The following CDKL3 variants were observed in gnomAD, a reference collection of about 807,000 sequenced individuals.
CDKL3 encodes the protein cyclin-dependent kinase-like 3.
CDKL3 carries 65 observed loss-of-function variants against 69.3 expected under a neutral mutation model. The ratio of observed to expected loss-of-function variants is 0.94; its 90% CI spans 0.77 to 1.15. The LOEUF (loss-of-function observed/expected upper bound fraction) is 1.15, where lower values mean the gene tolerates loss of function less well. Among genes scored for constraint, CDKL3 ranks in the 50% most tolerant of loss-of-function variants. The probability of loss-of-function intolerance (pLI) is 0.00; values close to 1 mark genes in which losing one functional copy is unlikely to be tolerated. For synonymous variants in CDKL3, 202 were observed against 221.6 expected, an observed-to-expected ratio of 0.91 and a Z score of 0.79; for missense variants, 652 against 689.2, an observed-to-expected ratio of 0.95 and a Z score of 0.61.
intron 4 of CDKL3, among the ~76,000 whole-genome samples, chr5:134,336,651 C>T (rs775610287): frequency 2.7e-4 from 41 of 152,296 alleles, no homozygotes; most frequent in Non-Finnish European, 3.7e-4. Flanking sequence ...GTATCACCAG[C>T]GGAGGCTGCA....
At chr5:134,346,371 T>A (rs1256104775) in intron 4 of CDKL3, among the ~76,000 whole-genome samples, 2 of 152,216 alleles carry the variant, frequency 1.3e-5, no homozygotes, top group Non-Finnish European at 2.9e-5. Context: ...GTCTTTGGGT[T>A]TTCATTTATG....
intron 4 of CDKL3, among the ~76,000 whole-genome samples, chr5:134,340,060 G>A (rs1750085347): frequency 6.6e-6 from 1 of 151,976 alleles, no homozygotes; most frequent in Admixed American, 6.6e-5. Context: ...AGGCTGAGGT[G>A]GGAGGATCAC....
intron 3 of CDKL3, among the ~76,000 whole-genome samples, chr5:134,356,363 C>T (rs1202797108): frequency 6.6e-6 from 1 of 152,242 alleles, no homozygotes; most frequent in African/African-American, 2.4e-5. Flanking sequence ...CACCACTCAT[C>T]TACTGTGTGG....
chr5:134,292,412 C>T (rs1185171079), intron 8 of CDKL3, among the ~76,000 whole-genome samples: 1 of 152,078 alleles, frequency 6.6e-6, no homozygotes, highest in Non-Finnish European at 1.5e-5. Context: ...GAAATACTTT[C>T]ACTGATGATA....
chr5:134,362,960 C>G (rs1756417911), intron 2 of CDKL3, among the ~76,000 whole-genome samples: 1 of 151,986 alleles, frequency 6.6e-6, no homozygotes, highest in Admixed American at 6.6e-5. Context: ...AACAAAAAGC[C>G]AATGAGAATA....
chr5:134,321,005 C>CTTTTTT (rs1047803739), intron 5 of CDKL3, among the ~76,000 whole-genome samples: 5 of 123,574 alleles, frequency 4.0e-5, no homozygotes, highest in African/African-American at 1.0e-4. Context: ...CAAACATATT[C>CTTTTTT]TTTTTTTTTT....
At chr5:134,350,185 C>T in intron 4 of CDKL3, 64 bp downstream of exon 4, 1 of 1,307,960 alleles carries the variant, frequency 7.6e-7, no homozygotes, top group Non-Finnish European at 1.0e-6. Context: ...AACACGCCAT[C>T]TCAAAAAATA....
intron 3 of CDKL3, among the ~76,000 whole-genome samples, chr5:134,356,494 ACT>A (rs1754646582): frequency 6.6e-6 from 1 of 151,480 alleles, no homozygotes; most frequent in African/African-American, 2.4e-5. Flanking sequence ...CTATTTAAAA[ACT>A]CTCATTGGTG....
intron 12 of CDKL3, chr5:134,302,037 C>G: frequency 4.7e-6 from 2 of 424,744 alleles, no homozygotes; most frequent in Non-Finnish European, 9.4e-6. Context: ...AAAAGACTGT[C>G]TTTATAGAGC....
intron 4 of CDKL3, among the ~76,000 whole-genome samples, chr5:134,344,540 C>A (rs1003445950): frequency 3.3e-5 from 5 of 152,078 alleles, no homozygotes; most frequent in African/African-American, 1.2e-4. Flanking sequence ...CACGCACACA[C>A]AAAAAGACAT....
chr5:134,327,962 G>A (rs570612070), intron 4 of CDKL3, among the ~76,000 whole-genome samples: 2 of 152,044 alleles, frequency 1.3e-5, no homozygotes, highest in Non-Finnish European at 2.9e-5. Flanking sequence ...GGGGGCTGGG[G>A]GTATTGGCTC....
intron 2 of CDKL3, 25 bp downstream of exon 2, chr5:134,366,333 AG>A (rs767558454): frequency 3.2e-4 from 489 of 1,508,756 alleles, no homozygotes; most frequent in Non-Finnish European, 3.7e-4. Flanking sequence ...CTTTTGACTT[AG>A]ATGATTAAGG....
chr5:134,368,618 CAAA>C (rs11339001), upstream of CDKL3, among the ~76,000 whole-genome samples: 56 of 69,802 alleles, frequency 8.0e-4, no homozygotes, highest in African/African-American at 3.3e-3. Flanking sequence ...GACTCCATCT[CAAA>C]AAAAAAAAAA....
At position 134,302,655 on chromosome 5, in the gene CDKL3, T is replaced by C; in HGVS notation, c.1654A>G (p.Lys552Glu). 6.2e-7 allele frequency: 1 copy of C among 1,601,598 alleles called. No homozygotes were observed. Among genetic ancestry groups the C allele is most frequent in the Middle Eastern group, 1.7e-4 (1 of 6,038 alleles). ...KQIKMLKRES[K>E]KTESSKIPTL... ...GGTATCTTAGATGACTCTGTTTTCT[T>C]TGACTCCCTCTTCAGCATTTTTATC... Residue 552 changes from lysine to glutamate, a missense_variant, in exon 12 of 13, where the codon AAG (lysine) becomes GAG (glutamate). Coordinates refer to ENST00000265334, the MANE Select transcript of CDKL3 (RefSeq NM_001113575.2).
At chr5:134,357,677 T>C (rs1754968289) in intron 3 of CDKL3, among the ~76,000 whole-genome samples, 2 of 151,972 alleles carry the variant, frequency 1.3e-5, no homozygotes, top group African/African-American at 2.4e-5. Context: ...TTTGTTTTCA[T>C]CCCTCTCATA....
chr5:134,295,265 C>T (rs1765300356), downstream of CDKL3, among the ~76,000 whole-genome samples: 2 of 152,064 alleles, frequency 1.3e-5, no homozygotes, highest in Admixed American at 1.3e-4. Flanking sequence ...GATCTGCCTG[C>T]CTCGGCCTCC....
rs558156596 is a variant in CDKL3, at chr5:134,293,002, C to CTTTTTTTTTTTTTTTTTTTTTTTTT, written c.*678-6468_*678-6444dup. On this transcript the variant is annotated intron_variant and NMD_transcript_variant, in intron 8 of 8. Transcript: ENST00000519312. Reference sequence around the variant, plus strand: ...GCCCTGTTGGCCTCACTGCCAATTTCTTTTTTTTTTTTTTTTTTTTTTTTT... The same window carrying CTTTTTTTTTTTTTTTTTTTTTTTTT: ...GCCCTGTTGGCCTCACTGCCAATTTCTTTTTTTTTTTTTTTTTTTTTTTTTTTTTTTTTTTTTTTTTTTTTTTTTT... 4.6e-5 allele frequency among the ~76,000 whole-genome samples: 2 copies of CTTTTTTTTTTTTTTTTTTTTTTTTT among 43,878 alleles called. 1 individual carries two copies. Among genetic ancestry groups the CTTTTTTTTTTTTTTTTTTTTTTTTT allele is most frequent in the South Asian group, 2.4e-3 (2 of 832 alleles). The allele number at this position is 43,878 out of a possible 152,430, so 28.8% of individuals were successfully genotyped here. A position where few individuals can be genotyped will look rare whatever the true frequency, so the allele number is the denominator to read the frequency against.
chr5:134,302,635 C>T lies in CDKL3; in HGVS notation c.1674G>A (p.Lys558=). 6.2e-7 allele frequency: 1 copy of T among 1,604,082 alleles called. No individual in the cohort carries two copies. Among genetic ancestry groups the T allele is most frequent in the East Asian group, 2.3e-5 (1 of 44,350 alleles). ...GATCCACGTTAAGTAAAGTTGGTAT[C>T]TTAGATGACTCTGTTTTCTTTGACT... is the stretch of plus-strand genomic sequence containing the variant. The part of the protein sequence containing the change: ...KRESKKTESS[K]IPTLLNVDQN... The change falls in exon 12 of 13, where the codon AAG becomes AAA. Residue 558 remains lysine (K), a synonymous_variant. Transcript: ENST00000265334.
intron 2 of CDKL3, among the ~76,000 whole-genome samples, chr5:134,364,366 C>T (rs147006083): frequency 1.5e-3 from 225 of 152,284 alleles, no homozygotes; most frequent in African/African-American, 5.2e-3. Flanking sequence ...GTACTCCTGT[C>T]ACCTCAAATT....
Sources: allele counts gnomAD v4.1 joint callset (sites outside exome capture counted in the v4.1 genomes callset), GRCh38; gene constraint gnomAD v4.1.1; transcripts MANE v1.5; gene names NCBI Gene and HGNC (gene_info 2026-07-23, HGNC 2026-07-21).